INVS: variants seen among roughly 807,000 people sequenced by gnomAD.
INVS encodes the protein inversin.
Under a neutral mutation model 108.8 loss-of-function variants are expected in INVS, and 86 were observed. That is an observed-to-expected ratio of 0.79 (90% CI 0.66 to 0.95). INVS has a LOEUF of 0.95. Among genes scored for constraint, INVS ranks in the 40% least tolerant of loss-of-function variants. INVS has a pLI of 0.00. For synonymous variants in INVS, 455 were observed against 473.5 expected, an observed-to-expected ratio of 0.96 and a Z score of 0.51; for missense variants, 1,169 against 1,297.4, an observed-to-expected ratio of 0.90 and a Z score of 1.52.
At chr9:100,258,102 C>G (rs1372490158) in intron 10 of INVS, among the ~76,000 whole-genome samples, 1 of 152,142 alleles carries the variant, frequency 6.6e-6, no homozygotes, top group East Asian at 1.9e-4. Context: ...AGGCTTTGTT[C>G]ATTTCTTTTT....
intron 10 of INVS, among the ~76,000 whole-genome samples, chr9:100,255,253 T>C (rs910847901): frequency 6.6e-6 from 1 of 152,202 alleles, no homozygotes. Context: ...GTGATTTTTG[T>C]ACATTGATTT....
chr9:100,290,990 GC>G (rs1411790742), intron 13 of INVS, among the ~76,000 whole-genome samples: 1 of 151,998 alleles, frequency 6.6e-6, no homozygotes, highest in East Asian at 1.9e-4. Flanking sequence ...TGGGCCCACT[GC>G]ACCCAGCCAG....
chr9:100,225,836 G>C (rs1317941525), intron 3 of INVS, among the ~76,000 whole-genome samples: 1 of 151,716 alleles, frequency 6.6e-6, no homozygotes, highest in East Asian at 1.9e-4. Flanking sequence ...ATAAAATATT[G>C]GCCAGCCACT....
intron 3 of INVS, among the ~76,000 whole-genome samples, chr9:100,216,638 A>G (rs1412211517): frequency 6.6e-6 from 1 of 152,148 alleles, no homozygotes; most frequent in Non-Finnish European, 1.5e-5. Context: ...ATGAACTTCT[A>G]ATGTTTTCAA....
intron 3 of INVS, chr9:100,175,992 G>A: frequency 1.8e-6 from 1 of 551,174 alleles, no homozygotes; most frequent in Non-Finnish European, 3.5e-6. Context: ...AGGTATTTTA[G>A]TACTCCACAA....
rs67549379 is a variant in INVS, at chr9:100,114,391, C to CT, written c.106+9792dup. On this transcript the variant is annotated intron_variant, in intron 2 of 16. Transcript: ENST00000262457. Reference sequence around the variant, plus strand: ...TATGCCCTTTGAGGCAGATTTCTTTCTTTTTTTTTTTTTTTTTTTTTTTTT... The same window carrying CT: ...TATGCCCTTTGAGGCAGATTTCTTTCTTTTTTTTTTTTTTTTTTTTTTTTTT... 1.2e-3 allele frequency among the ~76,000 whole-genome samples: 75 copies of CT among 64,862 alleles called. 1 individual carries two copies. The highest frequency in any genetic ancestry group is 1.8e-3 in the South Asian group (2 of 1,142). The allele number at this position is 64,862 out of a possible 152,430, so 42.6% of individuals were successfully genotyped here. A position where few individuals can be genotyped will look rare whatever the true frequency, so the allele number is the denominator to read the frequency against.
intron 4 of INVS, among the ~76,000 whole-genome samples, chr9:100,229,084 CAGAT>C (rs1831428729): frequency 6.6e-6 from 1 of 152,162 alleles, no homozygotes; most frequent in Non-Finnish European, 1.5e-5. Context: ...TACAGTTTCA[CAGAT>C]AGATTTGTTC....
At chr9:100,255,113 T>TGA (rs1321307669) in intron 10 of INVS, among the ~76,000 whole-genome samples, 2 of 152,224 alleles carry the variant, frequency 1.3e-5, no homozygotes, top group African/African-American at 4.8e-5. Flanking sequence ...TTTGTAGTTC[T>TGA]CCTTGAAGAG....
At chr9:100,286,644 A>C (rs904392047) in intron 13 of INVS, among the ~76,000 whole-genome samples, 1 of 152,230 alleles carries the variant, frequency 6.6e-6, no homozygotes, top group African/African-American at 2.4e-5. Flanking sequence ...ATGCTTTGGT[A>C]CATATTCATT....
intron 7 of INVS, among the ~76,000 whole-genome samples, chr9:100,243,317 TG>T (rs1264832506): frequency 6.6e-6 from 1 of 152,160 alleles, no homozygotes; most frequent in Non-Finnish European, 1.5e-5. Flanking sequence ...ATATGTAAGA[TG>T]AGGATAATTA....
rs1421028897 is a variant in INVS at position 100,100,927 on chromosome 9, TA to T, written c.-25+1513del. On this transcript the variant is annotated intron_variant, in intron 1 of 16. Transcript: ENST00000262457. ...TGTATATATATTATATGTATATATA[TA>T]ATATATATAATATATATACATATAT... Among the ~76,000 whole-genome samples, 37 of 24,510 alleles carry T rather than the reference TA, an allele frequency of 1.5e-3. 4 individuals are homozygous for T. Among genetic ancestry groups the T allele is most frequent in the African/African-American group, 6.0e-3 (20 of 3,330 alleles). 16.1% of individuals were successfully genotyped at this position (24,510 alleles called of 152,430 possible).
chr9:100,223,837 T>A (rs540773219), intron 3 of INVS, among the ~76,000 whole-genome samples: 50 of 152,340 alleles, frequency 3.3e-4, no homozygotes, highest in South Asian at 1.7e-3. Context: ...TCTCTGCCCC[T>A]GTGGTGGACT....
chr9:100,186,351 C>G (rs1483336360), intron 3 of INVS, among the ~76,000 whole-genome samples: 1 of 152,028 alleles, frequency 6.6e-6, no homozygotes, highest in Non-Finnish European at 1.5e-5. Context: ...CGGGGTTTCA[C>G]CATCTTGGCC....
intron 5 of INVS, among the ~76,000 whole-genome samples, chr9:100,231,064 TCTAA>T (rs938888496): frequency 2.0e-5 from 3 of 152,234 alleles, no homozygotes; most frequent in Non-Finnish European, 2.9e-5. Flanking sequence ...TGATTACATA[TCTAA>T]CTAATTCGCT....
chr9:100,107,504 C>T (rs1588002775), intron 2 of INVS, among the ~76,000 whole-genome samples: 1 of 152,134 alleles, frequency 6.6e-6, no homozygotes, highest in African/African-American at 2.4e-5. Context: ...TTTTACCTCA[C>T]GTGGTAAAAC....
chr9:100,149,173 A>G lies in INVS; in HGVS notation c.273+22624A>G, dbSNP rs554877239. Reference sequence around the variant, plus strand: ...TCCACTCATTAGTCCATTTTAAAACAATTTAATAAGTGCCCATTCTACCAC... The same window carrying G: ...TCCACTCATTAGTCCATTTTAAAACGATTTAATAAGTGCCCATTCTACCAC... On this transcript the variant is annotated intron_variant, in intron 3 of 16. Transcript: ENST00000262457. Among the ~76,000 whole-genome samples, 5 of 152,176 alleles carry G rather than the reference A, an allele frequency of 3.3e-5. No individual in the cohort carries two copies. The South Asian group carries it at 1.0e-3, about 32-fold the overall frequency.
At chr9:100,191,188 G>A (rs927992342) in intron 3 of INVS, among the ~76,000 whole-genome samples, 1 of 152,136 alleles carries the variant, frequency 6.6e-6, no homozygotes, top group Non-Finnish European at 1.5e-5. Flanking sequence ...GAATCTCCCA[G>A]GAGTTCTTTC....
chr9:100,123,555 A>G (rs1564122386), intron 2 of INVS, among the ~76,000 whole-genome samples: 1 of 152,190 alleles, frequency 6.6e-6, no homozygotes. Flanking sequence ...GCTCTCATGA[A>G]TAATACTGCA....
At chr9:100,139,014 G>A (rs1828332476) in intron 3 of INVS, among the ~76,000 whole-genome samples, 1 of 151,972 alleles carries the variant, frequency 6.6e-6, no homozygotes, top group African/African-American at 2.4e-5. Context: ...CCTTATTGAT[G>A]GTTTTCCTTG....
Sources: allele counts gnomAD v4.1 joint callset (sites outside exome capture counted in the v4.1 genomes callset), GRCh38; gene constraint gnomAD v4.1.1; transcripts MANE v1.5; gene names NCBI Gene and HGNC (gene_info 2026-07-23, HGNC 2026-07-21).